The following UQCC6 variants were observed in gnomAD, a reference collection of about 807,000 sequenced individuals.
UQCC6 encodes ubiquinol-cytochrome c reductase complex assembly factor 6.
At chr12:103,962,444 T>G in the UQCC6 span, among the ~76,000 whole-genome samples, 1 of 152,200 alleles carries the variant, frequency 6.6e-6, no homozygotes, top group East Asian at 1.9e-4. Context: ...ATCCATTTTG[T>G]TTTTTTATAT....
At chr12:103,954,564 A>G in the UQCC6 span, 1 of 210,458 alleles carries the variant, frequency 4.8e-6, no homozygotes, top group Non-Finnish European at 9.5e-6. Flanking sequence ...CAAGCCATTC[A>G]TGAGGGATTC....
chr12:103,957,996 A>AATATATATTTATTTT, the UQCC6 span, among the ~76,000 whole-genome samples: 1 of 143,068 alleles, frequency 7.0e-6, no homozygotes, highest in Non-Finnish European at 1.5e-5. Context: ...TTATATATTT[A>AATATATATTTATTTT]TAATATATAT....
At chr12:103,965,461 T>A in the UQCC6 span, 1 of 152,464 alleles carries the variant, frequency 6.6e-6, no homozygotes, top group African/African-American at 2.4e-5. Context: ...GATGGCACAG[T>A]GGCCTCGACG....
At chr12:103,957,114 T>C in the UQCC6 span, 1 of 246,320 alleles carries the variant, frequency 4.1e-6, no homozygotes, top group Non-Finnish European at 8.2e-6. Context: ...TCTGCCTCTA[T>C]ACACGCGCTC....
chr12:103,960,946 CTTT>C, the UQCC6 span, among the ~76,000 whole-genome samples: 116 of 151,404 alleles, frequency 7.7e-4, no homozygotes, highest in Non-Finnish European at 1.3e-3. Flanking sequence ...TCCTTTTATT[CTTT>C]TTTAAAAAAA....
chr12:103,955,276 C>T, the UQCC6 span, among the ~76,000 whole-genome samples: 1 of 152,036 alleles, frequency 6.6e-6, no homozygotes, highest in Non-Finnish European at 1.5e-5. Context: ...CAGATTGTGC[C>T]ACTGCACTCC....
At chr12:103,950,754 A>G in the UQCC6 span, 1 of 152,240 alleles carries the variant, frequency 6.6e-6, no homozygotes, top group East Asian at 1.9e-4. Flanking sequence ...TACCCAAGGT[A>G]AATTTTTACT....
At chr12:103,951,540 G>A in the UQCC6 span, 1 of 1,535,682 alleles carries the variant, frequency 6.5e-7, no homozygotes, top group South Asian at 1.2e-5. Flanking sequence ...AGTTCCTCCT[G>A]TTGAGAAACT....
At chr12:103,960,364 G>A in the UQCC6 span, among the ~76,000 whole-genome samples, 3 of 152,096 alleles carry the variant, frequency 2.0e-5, no homozygotes, top group African/African-American at 4.8e-5. Context: ...ATGAGCCACC[G>A]CACCCGGCCA....
chr12:103,956,563 C>T, the UQCC6 span: 1 of 1,065,794 alleles, frequency 9.4e-7, no homozygotes, highest in South Asian at 1.4e-5. Flanking sequence ...ATGCCTAAGG[C>T]TGGGTAATTT....
chr12:103,961,111 C>A, the UQCC6 span, among the ~76,000 whole-genome samples: 1 of 151,596 alleles, frequency 6.6e-6, no homozygotes, highest in African/African-American at 2.4e-5. Context: ...TACTGACGAT[C>A]TTGACCCTGT....
chr12:103,954,288 T>C, the UQCC6 span, among the ~76,000 whole-genome samples: 1 of 150,560 alleles, frequency 6.6e-6, no homozygotes, highest in Non-Finnish European at 1.5e-5. Context: ...CAGGTGTATT[T>C]GTCCATTTTG....
At chr12:103,956,967 C>T in the UQCC6 span, 1 of 522,924 alleles carries the variant, frequency 1.9e-6, no homozygotes, top group Non-Finnish European at 3.4e-6. Flanking sequence ...CAGCCCCAAT[C>T]GTTTATCAGT....
chr12:103,964,984 C>G, the UQCC6 span, among the ~76,000 whole-genome samples: 1 of 152,176 alleles, frequency 6.6e-6, no homozygotes, highest in East Asian at 1.9e-4. Context: ...GCTCACAGAT[C>G]ACGTGAGTGA....
the UQCC6 span, among the ~76,000 whole-genome samples, chr12:103,962,496 T>C: frequency 2.6e-5 from 4 of 152,168 alleles, no homozygotes; most frequent in Non-Finnish European, 2.9e-5. Context: ...AAGGTGGAGC[T>C]TGGACACAGG....
the UQCC6 span, chr12:103,955,683 G>A: frequency 1.2e-5 from 5 of 433,620 alleles, no homozygotes; most frequent in East Asian, 7.0e-5. Flanking sequence ...AAACACTAAT[G>A]GTTGACTCTC....
the UQCC6 span, chr12:103,950,282 A>AG: frequency 6.6e-6 from 1 of 150,464 alleles, no homozygotes; most frequent in Non-Finnish European, 1.5e-5. Context: ...GCAGTTTAGC[A>AG]GGGGGTCTAT....
the UQCC6 span, among the ~76,000 whole-genome samples, chr12:103,961,402 TTA>T: frequency 3.9e-5 from 6 of 152,166 alleles, no homozygotes; most frequent in Admixed American, 1.3e-4. Context: ...TGTACAGTGT[TTA>T]TAAAGTCTAC....
At chr12:103,953,340 A>G in the UQCC6 span, 1 of 701,140 alleles carries the variant, frequency 1.4e-6, no homozygotes, top group Non-Finnish European at 2.6e-6. Flanking sequence ...GATGACTCCT[A>G]GCTTTCAACC....
Sources: allele counts gnomAD v4.1 joint callset (sites outside exome capture counted in the v4.1 genomes callset), GRCh38; gene constraint gnomAD v4.1.1; transcripts MANE v1.5; gene names NCBI Gene and HGNC (gene_info 2026-07-23, HGNC 2026-07-21).